CABIN1: variants seen among roughly 807,000 people sequenced by gnomAD.
CABIN1 encodes the protein calcineurin binding protein 1.
A neutral mutation model predicts 227.7 loss-of-function variants in CABIN1; 133 were observed. The observed-to-expected ratio is 0.58, with a 90% confidence interval of 0.51 to 0.67. The LOEUF (loss-of-function observed/expected upper bound fraction) is 0.67. CABIN1 is among the 30% of genes least tolerant of loss of function. The pLI is 0.00. For synonymous variants in CABIN1, 1,086 were observed against 1,155.1 expected (o/e 0.94, Z 1.21); for missense variants, 2,408 against 2,852.5 (o/e 0.84, Z 3.55).
chr22:24,085,561 C>T (rs994176156), intron 22 of CABIN1, among the ~76,000 whole-genome samples: 11 of 152,216 alleles, frequency 7.2e-5, no homozygotes, highest in African/African-American at 2.6e-4. Flanking sequence ...TTCTTGGGGA[C>T]AAGTAATAGA....
At chr22:24,029,976 A>T (rs1313094421) in intron 1 of CABIN1, among the ~76,000 whole-genome samples, 1 of 152,072 alleles carries the variant, frequency 6.6e-6, no homozygotes, top group Non-Finnish European at 1.5e-5. Context: ...AGCCTGAGGT[A>T]CCTCCCTATA....
intron 8 of CABIN1, among the ~76,000 whole-genome samples, chr22:24,051,347 A>G (rs946742633): frequency 4.6e-5 from 7 of 151,970 alleles, no homozygotes; most frequent in African/African-American, 1.7e-4. Context: ...GAGCCCAGAG[A>G]CAGTCCCGGG....
At chr22:24,049,917 C>T (rs1158634810) in intron 7 of CABIN1, among the ~76,000 whole-genome samples, 1 of 152,144 alleles carries the variant, frequency 6.6e-6, no homozygotes, top group East Asian at 1.9e-4. Context: ...CCCAAGAATA[C>T]CTGCCCCTCC....
intron 29 of CABIN1, among the ~76,000 whole-genome samples, chr22:24,154,688 G>A (rs2045678778): frequency 6.6e-6 from 1 of 152,218 alleles, no homozygotes; most frequent in Non-Finnish European, 1.5e-5. Context: ...GAGATCCTGA[G>A]GCACTGCCTC....
intron 6 of CABIN1, among the ~76,000 whole-genome samples, chr22:24,046,444 T>G (rs2037887721): frequency 6.6e-6 from 1 of 152,138 alleles, no homozygotes; most frequent in Admixed American, 6.5e-5. Flanking sequence ...AGCAGTTTCT[T>G]CTTCTGGAGG....
Position 24,054,899 on chromosome 22 carries a change from T to A in CABIN1, c.833T>A (p.Leu278Gln). The change falls in exon 9 of 37, where the codon CTG (leucine) becomes CAG (glutamine). Residue 278 changes from leucine to glutamine, a missense_variant. Physicochemically the swap from Leu to Gln is moderately radical, Grantham distance 113 (BLOSUM62 -2). Transcript: ENST00000263119. ...FTWKCLGESL[L>Q]AMYNHLTTCE... is the part of the protein sequence containing the mutation. ...TGGAAGTGCCTCGGAGAGAGCTTGC[T>A]GGCCATGTACAATCATCTCACCACC... The A allele has an allele frequency of 6.2e-7, 1 of 1,614,190 alleles. No individual in the cohort carries two copies. The highest frequency in any genetic ancestry group is 8.5e-7 in the Non-Finnish European group (1 of 1,180,020).
intron 27 of CABIN1, among the ~76,000 whole-genome samples, chr22:24,115,157 C>T (rs1448069892): frequency 6.6e-6 from 1 of 152,200 alleles, no homozygotes. Context: ...GTAAGACCTA[C>T]CATGTGTGCT....
At chr22:24,128,651 T>TC (rs1486406794) in intron 28 of CABIN1, among the ~76,000 whole-genome samples, 1 of 152,318 alleles carries the variant, frequency 6.6e-6, no homozygotes, top group East Asian at 1.9e-4. Context: ...CAGAAGGTCT[T>TC]CCCTGGCCAA....
chr22:24,103,436 G>A (rs1024308175), intron 26 of CABIN1: 4 of 152,222 alleles, frequency 2.6e-5, no homozygotes, highest in African/African-American at 9.6e-5. Context: ...TCTGAGGTGG[G>A]TCCTGTGTCT....
intron 1 of CABIN1, among the ~76,000 whole-genome samples, chr22:24,028,177 G>C (rs925457830): frequency 1.3e-5 from 2 of 152,148 alleles, no homozygotes; most frequent in Non-Finnish European, 2.9e-5. Flanking sequence ...GCTAAAAAAT[G>C]CTGACACAGA....
chr22:24,041,322 G>A lies in CABIN1; in HGVS notation c.345+49G>A, dbSNP rs199705603. On this transcript the variant is annotated intron_variant, in intron 5 of 36. Coordinates refer to ENST00000263119, the MANE Select transcript of CABIN1 (RefSeq NM_012295.4). ...TACCTTGGTGTTTTGAAAGCTCTTG[G>A]TGGAGGGGATGAGGTTGCGGTCTTG... 7.4e-5 allele frequency: 120 copies of A among 1,612,830 alleles called. No homozygotes were observed. The African/African-American group carries it at 1.5e-3, about 20-fold the overall frequency.
intron 10 of CABIN1, 103 bp downstream of exon 10, chr22:24,056,463 CTCCTCTGTGT>C: frequency 8.7e-7 from 1 of 1,147,968 alleles, no homozygotes; most frequent in Non-Finnish European, 1.3e-6. Context: ...CTCTGGTCTC[CTCCTCTGTGT>C]TCCCATAACA....
chr22:24,123,898 G>A (rs975130216), intron 28 of CABIN1, among the ~76,000 whole-genome samples: 29 of 152,212 alleles, frequency 1.9e-4, no homozygotes, highest in African/African-American at 6.8e-4. Context: ...TCCGATGTCT[G>A]CCTCTTCAAA....
chr22:24,107,345 T>C (rs1187125046), intron 26 of CABIN1, among the ~76,000 whole-genome samples: 1 of 152,136 alleles, frequency 6.6e-6, no homozygotes, highest in East Asian at 1.9e-4. Context: ...CCAGTACCAA[T>C]CTCTGCTCTC....
chr22:24,035,367 T>C (rs1159898739), intron 1 of CABIN1, 77 bp from the exon 2 acceptor site: 1 of 968,268 alleles, frequency 1.0e-6, no homozygotes, highest in Non-Finnish European at 1.7e-6. Flanking sequence ...GAAGGACTGG[T>C]TCCTGGTGGA....
intron 18 of CABIN1, among the ~76,000 whole-genome samples, chr22:24,075,252 T>A (rs1193766524): frequency 6.6e-6 from 1 of 152,168 alleles, no homozygotes; most frequent in Non-Finnish European, 1.5e-5. Flanking sequence ...AAGTTATTAC[T>A]AGTGGCTTCT....
chr22:24,110,826 A>G (rs952779746), intron 26 of CABIN1, among the ~76,000 whole-genome samples: 1 of 148,836 alleles, frequency 6.7e-6, no homozygotes, highest in Non-Finnish European at 1.5e-5. Flanking sequence ...AACATTTTGT[A>G]TCTTTGGGTT....
chr22:24,174,540 C>T (rs2047000924), intron 34 of CABIN1, among the ~76,000 whole-genome samples: 1 of 152,192 alleles, frequency 6.6e-6, no homozygotes, highest in South Asian at 2.1e-4. Context: ...GTCCCTCTGC[C>T]TGGGGCTGTC....
intron 34 of CABIN1, 40 bp from the exon 35 acceptor site, chr22:24,176,071 G>A (rs1488886805): frequency 6.3e-7 from 1 of 1,594,976 alleles, no homozygotes; most frequent in Non-Finnish European, 8.5e-7. Context: ...CCTGCGGGGT[G>A]GATGAGTCTA....
Sources: gnomAD v4.1 joint callset for allele counts (sites outside exome capture counted in the v4.1 genomes callset) on GRCh38, gnomAD v4.1.1 for gene constraint, MANE v1.5 for transcripts, NCBI Gene and HGNC (gene_info 2026-07-23, HGNC 2026-07-21) for gene names.